TRAF7: variants seen among roughly 807,000 people sequenced by gnomAD.
The protein encoded by TRAF7 is E3 ubiquitin-protein ligase TRAF7.
TRAF7 carries 45 observed loss-of-function variants against 89.3 expected under a neutral mutation model. That is an observed-to-expected ratio of 0.50 (90% CI 0.40 to 0.65). The LOEUF is 0.65. TRAF7 is among the 30% of genes least tolerant of loss of function. TRAF7 has a pLI of 0.00. For missense variants in TRAF7, 677 were observed against 918.1 expected, an observed-to-expected ratio of 0.74 and a Z score of 3.39; for synonymous variants, 406 against 369.2, an observed-to-expected ratio of 1.10 and a Z score of -1.14.
chr16:2,165,025 G>A lies in TRAF7; in HGVS notation c.82-854G>A, dbSNP rs71384670. 1.8e-3 allele frequency among the ~76,000 whole-genome samples: 190 copies of A among 108,368 alleles called. 3 individuals carry two copies. The highest frequency in any genetic ancestry group is 8.6e-3 in the African/African-American group (152 of 17,692). 71.1% of individuals were successfully genotyped at this position (108,368 alleles called of 152,430 possible). On this transcript the variant is annotated intron_variant, in intron 2 of 20. Transcript: ENST00000326181. ...GCCTGGCCTGGTCGCATGGTTAAGC[G>A]TGTGAGTGCTGCATGGCCTGGCCTG...
chr16:2,173,084 T>A, intron 9 of TRAF7, 98 bp from the exon 10 acceptor site: 1 of 1,127,614 alleles, frequency 8.9e-7, no homozygotes, highest in Non-Finnish European at 1.3e-6. Context: ...GGACCTGGGG[T>A]GCAGCGGCCA....
rs1567254460 is a variant in TRAF7, at chr16:2,176,539, GA to G, written c.1999-19del. ...GCAGCCGGCCGCAGGACATCCTGGT[GA>G]AGCAGCCCTTTCTCTGCAGGTTTGG... On this transcript the variant is annotated intron_variant, in intron 20 of 20. Coordinates refer to ENST00000326181, the MANE Select transcript of TRAF7 (RefSeq NM_032271.3). The G allele has an allele frequency of 3.1e-6, 5 of 1,613,212 alleles. No homozygotes were observed. The highest frequency in any genetic ancestry group is 4.2e-6 in the Non-Finnish European group (5 of 1,180,014).
chr16:2,173,885 C>A, intron 12 of TRAF7, 36 bp from the exon 13 acceptor site: 1 of 1,610,206 alleles, frequency 6.2e-7, no homozygotes, highest in Admixed American at 1.7e-5. Flanking sequence ...CCCCGGGCCC[C>A]AACTGGGCCT....
chr16:2,163,933 A>G lies in TRAF7; in HGVS notation c.13A>G (p.Lys5Glu). 1 of 1,612,648 alleles carries G rather than the reference A, an allele frequency of 6.2e-7. No individual in the cohort carries two copies. Among genetic ancestry groups the G allele is most frequent in the Non-Finnish European group, 8.5e-7 (1 of 1,179,732 alleles). The change falls in exon 2 of 21, where the codon AAG becomes GAG. Residue 5 changes from lysine (K) to glutamate (E), a missense_variant. Physicochemically the swap from Lys to Glu is moderately conservative, Grantham distance 56. Coordinates refer to ENST00000326181, the MANE Select transcript of TRAF7 (RefSeq NM_032271.3). The surrounding 1 kb of genome is among the most constrained non-coding windows in gnomAD (Gnocchi z 4.3). MSSG[K>E]SARYNRFSGG... ...GCCTCTCTAGAGCATGAGCTCAGGCAAGAGTGCCCGCTACAACCGCTTCTC... is the reference window on the plus strand; with the variant it reads ...GCCTCTCTAGAGCATGAGCTCAGGCGAGAGTGCCCGCTACAACCGCTTCTC...
chr16:2,173,880 G>A (rs772990524), intron 12 of TRAF7, 41 bp from the exon 13 acceptor site: 23 of 241,936 alleles, frequency 9.5e-5, no homozygotes, highest in Non-Finnish European at 1.8e-4. Context: ...CTCCCCCCCG[G>A]GCCCCAACTG....
At chr16:2,175,659 C>A in intron 17 of TRAF7, 37 bp downstream of exon 17, 1 of 1,602,948 alleles carries the variant, frequency 6.2e-7, no homozygotes. Flanking sequence ...CAGGGCCTTG[C>A]CTCCTACCAG....
At chr16:2,175,235 G>A (rs899236852) in intron 15 of TRAF7, 66 bp from the exon 16 acceptor site, 179 of 1,612,294 alleles carry the variant, frequency 1.1e-4, no homozygotes, top group African/African-American at 3.1e-4. Flanking sequence ...GTTTCTCCCC[G>A]TCTGGGCTCC....
Position 2,162,979 on chromosome 16 carries a change from G to T in TRAF7, c.-38-904G>T, listed in dbSNP as rs531197830. 6.6e-5 allele frequency among the ~76,000 whole-genome samples: 10 copies of T among 151,306 alleles called. No individual in the cohort carries two copies. The highest frequency in any genetic ancestry group is 6.2e-4 in the South Asian group (3 of 4,832). On this transcript the variant is annotated intron_variant, in intron 1 of 20. Transcript: ENST00000326181. The surrounding 1 kb of genome is among the most constrained non-coding windows in gnomAD (Gnocchi z 5.0). ...CAGAGCCTGGTGCCTCACGGGGGGAGAGTGGGCGTCATCCAGCATGGACAG... is the reference window on the plus strand; with the variant it reads ...CAGAGCCTGGTGCCTCACGGGGGGATAGTGGGCGTCATCCAGCATGGACAG...
At chr16:2,165,143 G>GCGTGGCCTGGCCTGGTCGCATGGTT (rs2093078558) in intron 2 of TRAF7, among the ~76,000 whole-genome samples, 2 of 55,216 alleles carry the variant, frequency 3.6e-5, no homozygotes, top group African/African-American at 7.3e-5. Context: ...GTCGCATGCT[G>GCGTGGCCTGGCCTGGTCGCATGGTT]AAGCGTGTGA....
rs1355179601 is a variant in TRAF7, at chr16:2,176,767, C to A, written c.*193C>A. 3 of 789,740 alleles carry A rather than the reference C, an allele frequency of 3.8e-6. No individual in the cohort carries two copies. The highest frequency in any genetic ancestry group is 6.2e-6 in the Non-Finnish European group (3 of 486,194). The allele number at this position is 789,740 out of a possible 1,614,324, so 48.9% of individuals were successfully genotyped here. On this transcript the variant is annotated 3_prime_UTR_variant, in exon 21 of 21. Coordinates refer to ENST00000326181, the MANE Select transcript of TRAF7 (RefSeq NM_032271.3). ...TCTACTCGGCACTGTCCTTGCTGCC[C>A]AGCCCCTCTCTGGGTGCCAGGTACG...
chr16:2,175,556 C>T lies in TRAF7; in HGVS notation c.1560C>T (p.Asn520=), dbSNP rs2141295022. The T allele has an allele frequency of 6.2e-7, 1 of 1,613,164 alleles. No homozygotes were observed. Among genetic ancestry groups the T allele is most frequent in the South Asian group, 1.1e-5 (1 of 91,088 alleles). The change falls in exon 17 of 21, where the codon AAC becomes AAT. Residue 520 remains asparagine, a synonymous_variant. Transcript: ENST00000326181. ...TGAAGAAGGAGCTCACAGGCCTCAA[C>T]CACTGGGTGCGGGCCCTGGTGGCTG... ...LKLKKELTGL[N]HWVRALVAAQ...
chr16:2,173,750 C>A (rs772465639), intron 11 of TRAF7, 38 bp from the exon 12 acceptor site: 2 of 1,609,046 alleles, frequency 1.2e-6, no homozygotes, highest in South Asian at 1.1e-5. Flanking sequence ...CACAGCAGCC[C>A]TGCCCACCTG....
At chr16:2,156,014 G>GGGTCGGGGTCGT (rs2093032216) in intron 1 of TRAF7, among the ~76,000 whole-genome samples, 156 bp downstream of exon 1, 1 of 151,328 alleles carries the variant, frequency 6.6e-6, no homozygotes, top group African/African-American at 2.4e-5. Context: ...GTCGGGGTCG[G>GGGTCGGGGTCGT]GGTCAGGGTC....
Position 2,158,511 on chromosome 16 carries a change from G to A in TRAF7, c.-39+2653G>A, listed in dbSNP as rs1299455680. ...GAAGTAGGGGGCAGCGACGCAGAGG[G>A]CCAGGACTGAGGGCCGTGGGACGGT... On this transcript the variant is annotated intron_variant, in intron 1 of 20. Transcript: ENST00000326181. The surrounding 1 kb of genome is among the most constrained non-coding windows in gnomAD (Gnocchi z 4.7). Among the ~76,000 whole-genome samples, 1 of 152,234 alleles carries A rather than the reference G, an allele frequency of 6.6e-6. No homozygotes were observed. The highest frequency in any genetic ancestry group is 1.5e-5 in the Non-Finnish European group (1 of 68,028).
chr16:2,169,878 G>A (rs1047377307), intron 4 of TRAF7, among the ~76,000 whole-genome samples: 4 of 152,192 alleles, frequency 2.6e-5, no homozygotes, highest in Non-Finnish European at 4.4e-5. Context: ...CCAGAGGCTC[G>A]GCAGAGCAGC....
rs776031486 is a variant in TRAF7 at position 2,165,862 on chromosome 16, C to T, written c.82-17C>T. The T allele has an allele frequency of 1.9e-6, 3 of 1,614,074 alleles. No homozygotes were observed. Among genetic ancestry groups the T allele is most frequent in the Non-Finnish European group, 8.5e-7 (1 of 1,179,954 alleles). On this transcript the variant is annotated splice_polypyrimidine_tract_variant and intron_variant, in intron 2 of 20. Coordinates refer to ENST00000326181, the MANE Select transcript of TRAF7 (RefSeq NM_032271.3). ...GTGTCCCGGAATGAGGCCAGGTCTC[C>T]TCCGTCCTCCCTCTAGACCAGAATG...
Position 2,176,955 on chromosome 16 carries a change from G to C in TRAF7, c.*381G>C. The C allele has an allele frequency of 2.3e-6, 1 of 434,882 alleles. No individual in the cohort carries two copies. The highest frequency in any genetic ancestry group is 4.0e-5 in the East Asian group (1 of 25,240). The allele number at this position is 434,882 out of a possible 1,614,324, so 26.9% of individuals were successfully genotyped here. ...CAGACTGTGGCTGTGAGTGGGGACA[G>C]CTCCTCGGGACAAGGGGGCTGTGTG... On this transcript the variant is annotated 3_prime_UTR_variant, in exon 21 of 21. Coordinates refer to ENST00000326181, the MANE Select transcript of TRAF7 (RefSeq NM_032271.3).
At chr16:2,171,964 C>T (rs2093113310) in intron 7 of TRAF7, among the ~76,000 whole-genome samples, 1 of 152,214 alleles carries the variant, frequency 6.6e-6, no homozygotes, top group Non-Finnish European at 1.5e-5. Context: ...GCCCTCTGCC[C>T]TCTTGGCCCC....
chr16:2,174,788 CG>C (rs1567253164), intron 14 of TRAF7, among the ~76,000 whole-genome samples: 1 of 152,194 alleles, frequency 6.6e-6, no homozygotes, highest in Admixed American at 6.5e-5. Flanking sequence ...TAAGCGTGTG[CG>C]TGAGAGATGC....
Sources: gnomAD v4.1 joint callset for allele counts (sites outside exome capture counted in the v4.1 genomes callset) on GRCh38, gnomAD v4.1.1 for gene constraint, Gnocchi (gnomAD v3.1) non-coding constraint, MANE v1.5 for transcripts, NCBI Gene and HGNC (gene_info 2026-07-23, HGNC 2026-07-21) for gene names.